The following RAB28 variants were observed in gnomAD, a reference collection of about 807,000 sequenced individuals.
RAB28 encodes ras-related protein Rab-28.
In RAB28, 24 loss-of-function variants were observed where a neutral mutation model predicts 31.7. The ratio of observed to expected loss-of-function variants is 0.76; its 90% CI spans 0.55 to 1.06. The LOEUF is 1.06. Among genes scored for constraint, RAB28 ranks in the 50% least tolerant of loss-of-function variants. The probability of loss-of-function intolerance (pLI) is 0.00; values close to 1 mark genes in which losing one functional copy is unlikely to be tolerated. For missense variants in RAB28, 254 were observed against 258.5 expected (o/e 0.98, Z 0.12); for synonymous variants, 100 against 90.4 (o/e 1.11, Z -0.60).
chr4:13,419,260 G>T (rs185225606), intron 4 of RAB28, among the ~76,000 whole-genome samples: 17 of 152,288 alleles, frequency 1.1e-4, no homozygotes, highest in African/African-American at 3.8e-4. Flanking sequence ...CAAGTCCTTA[G>T]AGACCTAGAA....
At chr4:13,407,845 C>A (rs1446995866) in intron 4 of RAB28, among the ~76,000 whole-genome samples, 1 of 152,096 alleles carries the variant, frequency 6.6e-6, no homozygotes, top group Non-Finnish European at 1.5e-5. Context: ...GGAATGCCTG[C>A]AATTTTTGCA....
intron 3 of RAB28, among the ~76,000 whole-genome samples, chr4:13,471,564 T>C (rs907478994): frequency 3.9e-5 from 6 of 152,082 alleles, no homozygotes; most frequent in African/African-American, 9.6e-5. Context: ...TAAAGTGGCA[T>C]GATCATAGCT....
intron 4 of RAB28, among the ~76,000 whole-genome samples, chr4:13,394,706 T>C (rs970482054): frequency 2.6e-5 from 4 of 152,154 alleles, no homozygotes; most frequent in East Asian, 1.9e-4. Context: ...GTGGTACCTA[T>C]AGCATAATGA....
Position 13,367,811 on chromosome 4 carries a change from A to C in RAB28, c.*747T>G, listed in dbSNP as rs1728562929. 1.0e-6 allele frequency: 1 copy of C among 984,572 alleles called. No homozygotes were observed. The highest frequency in any genetic ancestry group is 1.7e-5 in the African/African-American group (1 of 57,206). 61.0% of individuals were successfully genotyped at this position (984,572 alleles called of 1,614,324 possible). A position where few individuals can be genotyped will look rare whatever the true frequency, so the allele number is the denominator to read the frequency against. ...AATGTCATAACTCATTCTCGGGAGTACTCTTATGCAGTTTGCAAGAGAAAT... is the reference window on the plus strand; with the variant it reads ...AATGTCATAACTCATTCTCGGGAGTCCTCTTATGCAGTTTGCAAGAGAAAT... On this transcript the variant is annotated 3_prime_UTR_variant, in exon 7 of 7. Transcript: ENST00000330852.
chr4:13,380,884 C>T (rs1243260280), intron 5 of RAB28, among the ~76,000 whole-genome samples: 1 of 151,498 alleles, frequency 6.6e-6, no homozygotes, highest in Non-Finnish European at 1.5e-5. Context: ...ATGAATTATT[C>T]AATCTATTAT....
chr4:13,449,478 C>T (rs1714856824), intron 4 of RAB28, among the ~76,000 whole-genome samples: 1 of 151,904 alleles, frequency 6.6e-6, no homozygotes, highest in Admixed American at 6.6e-5. Context: ...TTTACTAATA[C>T]ATTTTCACTG....
chr4:13,438,643 T>C (rs1043109083), intron 4 of RAB28, among the ~76,000 whole-genome samples: 9 of 152,348 alleles, frequency 5.9e-5, no homozygotes, highest in East Asian at 1.9e-4. Context: ...TATTACTTTT[T>C]GTTCCCGATT....
At chr4:13,462,659 A>G (rs1270206187) in intron 3 of RAB28, among the ~76,000 whole-genome samples, 1 of 152,146 alleles carries the variant, frequency 6.6e-6, no homozygotes, top group Non-Finnish European at 1.5e-5. Context: ...TCTTATCTCT[A>G]AAATTCGATA....
intron 4 of RAB28, among the ~76,000 whole-genome samples, chr4:13,433,595 A>C (rs1288767543): frequency 6.6e-6 from 1 of 152,176 alleles, no homozygotes; most frequent in African/African-American, 2.4e-5. Context: ...AATACATATC[A>C]AAACCACAAT....
intron 4 of RAB28, among the ~76,000 whole-genome samples, chr4:13,394,495 G>C (rs936896949): frequency 5.1e-4 from 78 of 152,268 alleles, no homozygotes; most frequent in Middle Eastern, 3.4e-3. Context: ...TGTATGGCTG[G>C]GTTCCTAACA....
At chr4:13,440,275 G>A (rs556863184) in intron 4 of RAB28, among the ~76,000 whole-genome samples, 1 of 152,016 alleles carries the variant, frequency 6.6e-6, no homozygotes, top group African/African-American at 2.4e-5. Context: ...AAAAAGAAGA[G>A]AAATAACCAA....
At chr4:13,447,925 T>C (rs1164988024) in intron 4 of RAB28, among the ~76,000 whole-genome samples, 1 of 152,182 alleles carries the variant, frequency 6.6e-6, no homozygotes, top group African/African-American at 2.4e-5. Context: ...CATGTTCAAT[T>C]AAGCAACCTT....
intron 4 of RAB28, among the ~76,000 whole-genome samples, chr4:13,417,587 G>A (rs545841485): frequency 1.2e-4 from 18 of 152,320 alleles, no homozygotes; most frequent in Middle Eastern, 3.4e-3. Flanking sequence ...AGCCTCCGCT[G>A]GTGATATCCA....
rs1305835045 is a variant in RAB28 at position 13,446,752 on chromosome 4, T to C, written c.391+13947A>G. 3.9e-5 allele frequency among the ~76,000 whole-genome samples: 6 copies of C among 152,196 alleles called. No homozygotes were observed. The South Asian group carries it at 8.3e-4, about 21-fold the overall frequency. ...ATGCGGAAATCACCCACCTTCTGTG[T>C]TCCTCTCGCTGGGAGCTGCAGACAG... On this transcript the variant is annotated intron_variant, in intron 4 of 6. Transcript: ENST00000330852.
intron 4 of RAB28, among the ~76,000 whole-genome samples, chr4:13,395,594 CTCCA>C (rs1380206663): frequency 1.3e-5 from 2 of 151,962 alleles, no homozygotes; most frequent in Non-Finnish European, 2.9e-5. Flanking sequence ...TACTCAGGAT[CTCCA>C]CTGCATCCAC....
At chr4:13,423,058 GCAT>G (rs1333695130) in intron 4 of RAB28, among the ~76,000 whole-genome samples, 2 of 152,062 alleles carry the variant, frequency 1.3e-5, no homozygotes, top group Non-Finnish European at 2.9e-5. Context: ...ATTTTGAAAT[GCAT>G]CAAAGAGAGG....
chr4:13,415,314 A>C (rs945961830), intron 4 of RAB28, among the ~76,000 whole-genome samples: 9 of 152,164 alleles, frequency 5.9e-5, no homozygotes, highest in African/African-American at 2.2e-4. Flanking sequence ...CACTTGAGGA[A>C]GTGCCCGCCG....
chr4:13,460,727 C>T lies in RAB28; in HGVS notation c.363G>A (p.Gln121=). The T allele has an allele frequency of 6.2e-7, 1 of 1,614,022 alleles. No homozygotes were observed. Residue 121 remains glutamine (Q), a synonymous_variant, in exon 4 of 7, where the codon CAG becomes CAA. Transcript: ENST00000330852. Reference sequence around the variant, plus strand: ...TATTGCCTACCAAGGCAACCAGTGGCTGAGTTTCTGACTCCTCGCTCACTT... The same window carrying T: ...TATTGCCTACCAAGGCAACCAGTGGTTGAGTTTCTGACTCCTCGCTCACTT... ...VKKVSEESET[Q]PLVALVGNKI...
intron 3 of RAB28, among the ~76,000 whole-genome samples, chr4:13,470,201 GTTAT>G (rs1241784457): frequency 2.0e-5 from 3 of 151,980 alleles, no homozygotes; most frequent in African/African-American, 4.8e-5. Flanking sequence ...ATCTGCTTTA[GTTAT>G]TTAGTTACAT....
Sources: gnomAD v4.1 joint callset for allele counts (sites outside exome capture counted in the v4.1 genomes callset) on GRCh38, gnomAD v4.1.1 for gene constraint, MANE v1.5 for transcripts, NCBI Gene and HGNC (gene_info 2026-07-23, HGNC 2026-07-21) for gene names.